Variants in PTCH1 observed in about 807,000 individuals in gnomAD.
The protein encoded by PTCH1 is patched 1, also known as protein patched homolog 1.
PTCH1 carries 14 observed loss-of-function variants against 144.6 expected under a neutral mutation model. That is an observed-to-expected ratio of 0.10 (90% CI 0.06 to 0.15). PTCH1 has a LOEUF of 0.15. Ranked by LOEUF, PTCH1 falls within the 10% of genes least tolerant of loss-of-function variation. The pLI is 1.00. For synonymous variants in PTCH1, 833 were observed against 793.6 expected, an observed-to-expected ratio of 1.05 and a Z score of -0.83; for missense variants, 1,623 against 1,948.3, an observed-to-expected ratio of 0.83 and a Z score of 3.14.
intron 2 of PTCH1, among the ~76,000 whole-genome samples, chr9:95,495,595 G>A (rs774513212): frequency 6.6e-6 from 1 of 152,044 alleles, no homozygotes; most frequent in Non-Finnish European, 1.5e-5. Context: ...GGGAAGAGTT[G>A]CACTGCTGAA....
At chr9:95,446,678 C>A in intron 23 of PTCH1, 2 of 619,580 alleles carry the variant, frequency 3.2e-6, no homozygotes, top group Non-Finnish European at 5.7e-6. Context: ...CTGCACCGAC[C>A]CTCCGCAGGT....
At chr9:95,505,837 A>C (rs1261576857) in intron 2 of PTCH1, among the ~76,000 whole-genome samples, 2 of 150,626 alleles carry the variant, frequency 1.3e-5, no homozygotes, top group African/African-American at 2.4e-5. Context: ...AAGCTGTCCA[A>C]AAACAGGACC....
chr9:95,469,242 A>C, intron 13 of PTCH1, 89 bp from the exon 14 acceptor site: 1 of 1,532,334 alleles, frequency 6.5e-7, no homozygotes, highest in South Asian at 1.1e-5. Flanking sequence ...TACGGAGAAT[A>C]CCCATTTTAC....
At chr9:95,511,603 C>G (rs1409148541), upstream of PTCH1, among the ~76,000 whole-genome samples, 4 of 152,214 alleles carry the variant, frequency 2.6e-5, no homozygotes, top group Admixed American at 6.5e-5. Context: ...TGCGGAAACT[C>G]GGAAAGCAGG....
chr9:95,511,166 C>G (rs1454421236), upstream of PTCH1, among the ~76,000 whole-genome samples: 1 of 149,976 alleles, frequency 6.7e-6, no homozygotes, highest in African/African-American at 2.4e-5. Context: ...CGGCGGGGCG[C>G]GCCGGCCACC....
Position 95,446,921 on chromosome 9 carries a change from G to C in PTCH1, c.4335C>G (p.Ser1445Arg). Reference protein sequence around the residue: ...VECEERPRGSSSN With the variant: ...VECEERPRGSRSN ...GTCAGTGGCACTCACCTCAGTTGGA[G>C]CTGCTTCCCCGGGGCCTCTCCTCGC... The change falls in exon 23 of 24, where the codon AGC becomes AGG. Residue 1445 changes from serine (S) to arginine (R), a missense_variant. Ser to Arg is a moderately radical substitution (Grantham distance 110). Around this residue, in one of 7 missense-constraint regions of PTCH1, gnomAD observed 291 missense variants for 287.4 expected, o/e 1.01. Transcript: ENST00000331920. 1 of 1,614,006 alleles carries C rather than the reference G, an allele frequency of 6.2e-7. No homozygotes were observed. The highest frequency in any genetic ancestry group is 8.5e-7 in the Non-Finnish European group (1 of 1,180,032).
chr9:95,466,316 G>C (rs967483449), intron 15 of PTCH1, among the ~76,000 whole-genome samples: 5 of 151,952 alleles, frequency 3.3e-5, no homozygotes, highest in African/African-American at 1.2e-4. Flanking sequence ...CAAAGTGCTG[G>C]GATTACAGGC....
In PTCH1 at chr9:95,464,632, T is replaced by C. The variant is rs186949546; in HGVS notation, c.2560+2484A>G. Among the ~76,000 whole-genome samples, 12 of 152,330 alleles carry C rather than the reference T, an allele frequency of 7.9e-5. No individual in the cohort carries two copies. In the East Asian group the frequency reaches 2.1e-3, roughly 27 times the overall value. On this transcript the variant is annotated intron_variant, in intron 15 of 23. Transcript: ENST00000331920. ...TATCTGACTCTGCCTTATTTGCATG[T>C]ATGTTTTAAGATGTGACATGTGGGA... is the stretch of plus-strand genomic sequence containing the variant.
intron 23 of PTCH1, 130 bp downstream of exon 23, chr9:95,446,781 T>G (rs1249246438): frequency 6.5e-6 from 8 of 1,223,850 alleles, no homozygotes; most frequent in African/African-American, 1.5e-5. Context: ...GGATAAAAGG[T>G]CACTGGGGTC....
upstream of PTCH1, among the ~76,000 whole-genome samples, chr9:95,510,827 T>C (rs1033675745): frequency 6.6e-6 from 1 of 151,094 alleles, no homozygotes; most frequent in African/African-American, 2.4e-5. Context: ...GGTGGCCACG[T>C]GACCCCGCGC....
intron 12 of PTCH1, among the ~76,000 whole-genome samples, chr9:95,474,484 C>A (rs1840865462): frequency 6.6e-6 from 1 of 152,192 alleles, no homozygotes; most frequent in Non-Finnish European, 1.5e-5. Flanking sequence ...AGCATCAGAT[C>A]TGAACGTTAT....
intron 12 of PTCH1, among the ~76,000 whole-genome samples, chr9:95,471,668 C>A (rs1840593442): frequency 1.3e-5 from 2 of 152,210 alleles, no homozygotes; most frequent in Admixed American, 1.3e-4. Context: ...AGGTGTCAGG[C>A]TGCAGAGCAG....
chr9:95,450,363 G>T (rs935512222), intron 20 of PTCH1: 10 of 271,628 alleles, frequency 3.7e-5, no homozygotes, highest in Non-Finnish European at 5.7e-5. Context: ...TGAAGTGAAG[G>T]GTGTAGAATT....
chr9:95,446,291 C>A lies in PTCH1; in HGVS notation c.*102G>T. 2.0e-6 allele frequency: 1 copy of A among 492,638 alleles called. No homozygotes were observed. The highest frequency in any genetic ancestry group is 4.0e-6 in the Non-Finnish European group (1 of 248,584). 30.5% of individuals were successfully genotyped at this position (492,638 alleles called of 1,614,324 possible). A position where few individuals can be genotyped will look rare whatever the true frequency, so the allele number is the denominator to read the frequency against. On this transcript the variant is annotated 3_prime_UTR_variant, in exon 24 of 24. Coordinates refer to ENST00000331920, the MANE Select transcript of PTCH1 (RefSeq NM_000264.5). ...GAACTGCTGTCCTGGCACAGGGCAT[C>A]TTTTCCATAACTCCAACCAGTTCTC...
chr9:95,481,419 C>A (rs1219552463), intron 5 of PTCH1, among the ~76,000 whole-genome samples: 4 of 152,176 alleles, frequency 2.6e-5, no homozygotes, highest in Admixed American at 2.6e-4. Flanking sequence ...CTAAATGATG[C>A]GGTATATATA....
chr9:95,510,556 A>G (rs1260350442), upstream of PTCH1, among the ~76,000 whole-genome samples: 1 of 152,098 alleles, frequency 6.6e-6, no homozygotes, highest in East Asian at 1.9e-4. Context: ...TTACGTTTCC[A>G]AGTTATTACG....
At chr9:95,507,290 C>G (rs537587751) in intron 1 of PTCH1, 1 of 985,304 alleles carries the variant, frequency 1.0e-6, no homozygotes, top group Non-Finnish European at 1.2e-6. Flanking sequence ...CCCTTCCTTT[C>G]TGGTTAAACG....
At chr9:95,459,177 C>T (rs1006475955) in intron 17 of PTCH1, among the ~76,000 whole-genome samples, 1 of 152,222 alleles carries the variant, frequency 6.6e-6, no homozygotes, top group Non-Finnish European at 1.5e-5. Context: ...AGTGCAGGTG[C>T]TTGGTGGCTT....
At position 95,449,916 on chromosome 9, in the gene PTCH1, G is replaced by T; in HGVS notation, c.3474C>A (p.Ile1158=). ...CATTGAGAACGCCGAGGATGGTGAG[G>T]ATCGCCAGCACAGCAAAGAAATACC... ...IVRYFFAVLA[I]LTILGVLNGL... is the part of the protein sequence containing the mutation. The change falls in exon 21 of 24, where the codon ATC becomes ATA. Residue 1158 remains isoleucine, a synonymous_variant. Coordinates refer to ENST00000331920, the MANE Select transcript of PTCH1 (RefSeq NM_000264.5). The surrounding 1 kb of genome is among the most constrained non-coding windows in gnomAD (Gnocchi z 5.3). 6.2e-7 allele frequency: 1 copy of T among 1,614,192 alleles called. No individual in the cohort carries two copies. The highest frequency in any genetic ancestry group is 8.5e-7 in the Non-Finnish European group (1 of 1,180,040).
Sources: gnomAD v4.1 joint callset for allele counts (sites outside exome capture counted in the v4.1 genomes callset) on GRCh38, gnomAD v4.1.1 for gene constraint, gnomAD v4.1.1 regional missense constraint, Gnocchi (gnomAD v3.1) non-coding constraint, MANE v1.5 for transcripts, NCBI Gene and HGNC (gene_info 2026-07-23, HGNC 2026-07-21) for gene names.